Variants in MTOR observed in about 807,000 individuals in gnomAD.
The protein encoded by MTOR is serine/threonine-protein kinase mTOR.
A neutral mutation model predicts 319.8 loss-of-function variants in MTOR; 70 were observed. The observed-to-expected ratio is 0.22, with a 90% CI of 0.18 to 0.27. The LOEUF (loss-of-function observed/expected upper bound fraction) is 0.27. Ranked by LOEUF, MTOR falls within the 10% of genes least tolerant of loss-of-function variation. The pLI, the probability that MTOR is intolerant of heterozygous loss-of-function variation, is 1.00. For synonymous variants in MTOR, 1,183 were observed against 1,211.4 expected (o/e 0.98, Z 0.49); for missense variants, 1,890 against 3,274.4 (o/e 0.58, Z 10.32).
At chr1:11,139,103 A>C (rs564301338) in intron 36 of MTOR, 1 of 636,366 alleles carries the variant, frequency 1.6e-6, no homozygotes, top group Non-Finnish European at 2.7e-6. Context: ...GGTTTGATCA[A>C]TGGTATACAC....
intron 9 of MTOR, among the ~76,000 whole-genome samples, chr1:11,242,410 G>A (rs556064922): frequency 4.1e-5 from 6 of 144,770 alleles, no homozygotes; most frequent in African/African-American, 1.5e-4. Flanking sequence ...TGAGGCAGGA[G>A]AATCGCTTGA....
rs574059080 is a variant in MTOR at position 11,154,018 on chromosome 1, G to A, written c.4469+3134C>T. On this transcript the variant is annotated intron_variant, in intron 30 of 57. Coordinates refer to ENST00000361445, the MANE Select transcript of MTOR (RefSeq NM_004958.4). ...TGGGAGGTGAAGGTTGCAGTGAGCCGAAATCACAGCACTGCACTCCAGCCT... is the reference window on the plus strand; with the variant it reads ...TGGGAGGTGAAGGTTGCAGTGAGCCAAAATCACAGCACTGCACTCCAGCCT... 1.6e-4 allele frequency among the ~76,000 whole-genome samples: 18 copies of A among 116,042 alleles called. No homozygotes were observed. In the South Asian group the frequency reaches 4.9e-3, roughly 31 times the overall value. 76.1% of individuals were successfully genotyped at this position (116,042 alleles called of 152,430 possible). A position where few individuals can be genotyped will look rare whatever the true frequency, so the allele number is the denominator to read the frequency against.
At position 11,126,528 on chromosome 1, in the gene MTOR, G is replaced by A. The variant is rs1015424635; in HGVS notation, c.6526+94C>T. 4.4e-6 allele frequency: 6 copies of A among 1,376,280 alleles called. No individual in the cohort carries two copies. In the African/African-American group the frequency reaches 8.6e-5, roughly 20 times the overall value. 85.3% of individuals were successfully genotyped at this position (1,376,280 alleles called of 1,614,324 possible). A position where few individuals can be genotyped will look rare whatever the true frequency, so the allele number is the denominator to read the frequency against. Reference sequence around the variant, plus strand: ...GAGATGTAGCTATGATAGGTGAGTAGTGGGAATGGCAAGCAGTAATTTCAG... The same window carrying A: ...GAGATGTAGCTATGATAGGTGAGTAATGGGAATGGCAAGCAGTAATTTCAG... On this transcript the variant is annotated intron_variant, in intron 46 of 57. Coordinates refer to ENST00000361445, the MANE Select transcript of MTOR (RefSeq NM_004958.4).
At position 11,107,157 on chromosome 1, in the gene MTOR, A is replaced by G; in HGVS notation, c.*328T>C. 7.2e-7 allele frequency: 1 copy of G among 1,388,644 alleles called. No homozygotes were observed. Among genetic ancestry groups the G allele is most frequent in the Non-Finnish European group, 9.5e-7 (1 of 1,051,794 alleles). 86.0% of individuals were successfully genotyped at this position (1,388,644 alleles called of 1,614,324 possible). On this transcript the variant is annotated 3_prime_UTR_variant, in exon 58 of 58. Coordinates refer to ENST00000361445, the MANE Select transcript of MTOR (RefSeq NM_004958.4). ...ATTCTTCCATCAGCAAGTACTTATG[A>G]TGAGTTCTCTTGTGAGTTAAGTCAA...
chr1:11,259,222 T>C (rs1650800996), intron 2 of MTOR, 26 bp downstream of exon 2: 1 of 1,609,816 alleles, frequency 6.2e-7, no homozygotes, highest in Admixed American at 1.7e-5. Context: ...CATCCCACAA[T>C]GACTGGCCCC....
At chr1:11,239,879 T>G (rs1647765325) in intron 11 of MTOR, among the ~76,000 whole-genome samples, 1 of 143,418 alleles carries the variant, frequency 7.0e-6, no homozygotes, top group East Asian at 2.0e-4. Context: ...CACATCAGCC[T>G]GGGCAACAGA....
At chr1:11,255,412 AAG>A (rs1650257908) in intron 5 of MTOR, among the ~76,000 whole-genome samples, 1 of 151,332 alleles carries the variant, frequency 6.6e-6, no homozygotes, top group Non-Finnish European at 1.5e-5. Context: ...AAAAAAAAGA[AAG>A]AGGTACCAAG....
chr1:11,119,979 C>T (rs1391980731), intron 49 of MTOR, among the ~76,000 whole-genome samples: 1 of 150,580 alleles, frequency 6.6e-6, no homozygotes, highest in Non-Finnish European at 1.5e-5. Context: ...TCTCTAATCC[C>T]AGCACTTTAG....
At chr1:11,111,254 AG>A in intron 54 of MTOR, 1 of 427,042 alleles carries the variant, frequency 2.3e-6, no homozygotes, top group Non-Finnish European at 4.7e-6. Context: ...CGAGGCGGGC[AG>A]ATCACTTGAG....
At chr1:11,262,395 G>A (rs1651262104) in intron 1 of MTOR, 50 bp downstream of exon 1, 1 of 152,430 alleles carries the variant, frequency 6.6e-6, no homozygotes, top group South Asian at 2.1e-4. Context: ...CTGGCCGTGG[G>A]TCTGGACATT....
At chr1:11,112,200 G>C (rs995226767) in intron 54 of MTOR, among the ~76,000 whole-genome samples, 7 of 152,232 alleles carry the variant, frequency 4.6e-5, no homozygotes, top group African/African-American at 1.4e-4. Context: ...TCCCAGCAAC[G>C]CAAATAAATT....
Position 11,225,251 on chromosome 1 carries a change from T to C in MTOR, c.3030+3417A>G, listed in dbSNP as rs1646793754. Reference sequence around the variant, plus strand: ...AATTTTCCCCCCACATATCTTACGGTATGTAAGCTTTAAGAAATTTTGGAA... The same window carrying C: ...AATTTTCCCCCCACATATCTTACGGCATGTAAGCTTTAAGAAATTTTGGAA... On this transcript the variant is annotated intron_variant, in intron 19 of 57. Transcript: ENST00000361445. 2.0e-5 allele frequency among the ~76,000 whole-genome samples: 3 copies of C among 152,284 alleles called. No homozygotes were observed. The South Asian group carries it at 6.2e-4, about 32-fold the overall frequency.
intron 9 of MTOR, 130 bp from the exon 10 acceptor site, chr1:11,241,811 C>T (rs1376614408): frequency 4.1e-6 from 4 of 984,926 alleles, no homozygotes; most frequent in Non-Finnish European, 6.0e-6. Context: ...GCAAATTGTC[C>T]AGAGCACAGT....
chr1:11,252,277 ATTTT>A (rs895815689), intron 6 of MTOR, among the ~76,000 whole-genome samples: 1 of 149,586 alleles, frequency 6.7e-6, no homozygotes, highest in South Asian at 2.1e-4. Context: ...TTTTTCCTTG[ATTTT>A]TTTTTTCTTT....
intron 19 of MTOR, among the ~76,000 whole-genome samples, chr1:11,220,958 GGA>G (rs1491555189): frequency 1.3e-5 from 2 of 151,950 alleles, no homozygotes; most frequent in Admixed American, 6.6e-5. Flanking sequence ...TTCTAGCTCT[GGA>G]ACTATGTTAA....
At chr1:11,239,590 A>G (rs1289112338) in intron 11 of MTOR, among the ~76,000 whole-genome samples, 3 of 152,154 alleles carry the variant, frequency 2.0e-5, no homozygotes, top group Non-Finnish European at 4.4e-5. Context: ...GTTTAGAACT[A>G]CACAGTATGG....
chr1:11,253,171 G>A (rs1649924274), intron 6 of MTOR, among the ~76,000 whole-genome samples: 1 of 152,088 alleles, frequency 6.6e-6, no homozygotes, highest in Non-Finnish European at 1.5e-5. Flanking sequence ...ATTGTGGTCC[G>A]ATGCTTCTCC....
At position 11,126,713 on chromosome 1, in the gene MTOR, G is replaced by A. The variant is rs1642858391; in HGVS notation, c.6435C>T (p.Asp2145=). ...GAATGCGAATGATTGGCTGGTTGGG[G>A]TCATATGTTCCTGGCACAGCCAATT... ...DLELAVPGTY[D]PNQPIIRIQS... The change falls in exon 46 of 58, where the codon GAC becomes GAT. Residue 2145 remains aspartate, a synonymous_variant. Coordinates refer to ENST00000361445, the MANE Select transcript of MTOR (RefSeq NM_004958.4). 1.2e-6 allele frequency: 2 copies of A among 1,614,020 alleles called. No individual in the cohort carries two copies.
intron 28 of MTOR, among the ~76,000 whole-genome samples, chr1:11,178,088 C>A (rs1026399793): frequency 6.6e-6 from 1 of 152,196 alleles, no homozygotes; most frequent in African/African-American, 2.4e-5. Context: ...GGCTGGTTAG[C>A]AGCAGCACTT....
Sources: gnomAD v4.1 joint callset for allele counts (sites outside exome capture counted in the v4.1 genomes callset) on GRCh38, gnomAD v4.1.1 for gene constraint, MANE v1.5 for transcripts, NCBI Gene and HGNC (gene_info 2026-07-23, HGNC 2026-07-21) for gene names.